MED15: variants seen among roughly 807,000 people sequenced by gnomAD.
MED15 encodes mediator complex subunit 15.
MED15 carries 41 observed loss-of-function variants against 118.7 expected under a neutral mutation model. The observed-to-expected ratio is 0.35, with a 90% CI of 0.27 to 0.45. The LOEUF (loss-of-function observed/expected upper bound fraction) is 0.45. Ranked by LOEUF, MED15 falls within the 20% of genes least tolerant of loss-of-function variation. MED15 has a pLI of 1.00. For missense variants in MED15, 740 were observed against 1,025.5 expected (o/e 0.72, Z 3.80); for synonymous variants, 436 against 413.9 (o/e 1.05, Z -0.65).
chr22:20,575,611 G>C (rs2146642057), intron 9 of MED15, among the ~76,000 whole-genome samples: 1 of 152,090 alleles, frequency 6.6e-6, no homozygotes, highest in East Asian at 1.9e-4. Flanking sequence ...GGGGCTTATG[G>C]CTATAATCTC....
chr22:20,555,262 GGTTTTTTT>G, intron 5 of MED15, 114 bp downstream of exon 5: 1 of 1,165,420 alleles, frequency 8.6e-7, no homozygotes, highest in Non-Finnish European at 1.2e-6. Flanking sequence ...AAATCGCTCT[GGTTTTTTT>G]GTTTTTTAAA....
chr22:20,553,745 G>A (rs1205360274), intron 4 of MED15, among the ~76,000 whole-genome samples: 4 of 152,112 alleles, frequency 2.6e-5, no homozygotes, highest in African/African-American at 4.8e-5. Context: ...GGTGGCATGC[G>A]TTGTAGTCCC....
chr22:20,546,011 C>T (rs1009295853), intron 2 of MED15, among the ~76,000 whole-genome samples: 1 of 152,202 alleles, frequency 6.6e-6, no homozygotes, highest in Non-Finnish European at 1.5e-5. Context: ...CCACACTGGC[C>T]TGTGCTAGGG....
At chr22:20,515,394 G>A (rs1358617556) in intron 1 of MED15, among the ~76,000 whole-genome samples, 1 of 152,130 alleles carries the variant, frequency 6.6e-6, no homozygotes, top group East Asian at 1.9e-4. Flanking sequence ...GCTTCCCTGG[G>A]CCATGTAGGA....
At position 20,568,589 on chromosome 22, in the gene MED15, A is replaced by G; in HGVS notation, c.1110A>G (p.Val370=). 1 of 1,613,842 alleles carries G rather than the reference A, an allele frequency of 6.2e-7. No individual in the cohort carries two copies. The highest frequency in any genetic ancestry group is 8.5e-7 in the Non-Finnish European group (1 of 1,180,018). The change falls in exon 8 of 18, where the codon GTA becomes GTG. Residue 370 remains valine (V), a synonymous_variant. Coordinates refer to ENST00000263205, the MANE Select transcript of MED15 (RefSeq NM_001003891.3). ...AGGTGCAGCAGCAGCAGACAGCAGTACAGACAGCTCAGGCTGCCCAGATGG... is the reference window on the plus strand; with the variant it reads ...AGGTGCAGCAGCAGCAGACAGCAGTGCAGACAGCTCAGGCTGCCCAGATGG... ...QPQVQQQQTA[V]QTAQAAQMVA...
intron 5 of MED15, among the ~76,000 whole-genome samples, chr22:20,561,986 CTCAA>C (rs143439205): frequency 8.4e-4 from 128 of 152,184 alleles, no homozygotes; most frequent in African/African-American, 2.3e-3. Flanking sequence ...GAGACCCAAT[CTCAA>C]TCAATCAGTC....
intron 1 of MED15, among the ~76,000 whole-genome samples, chr22:20,527,788 T>C (rs1285389030): frequency 6.6e-6 from 1 of 151,734 alleles, no homozygotes; most frequent in Non-Finnish European, 1.5e-5. Context: ...TGAAACCCCA[T>C]CTCTACTAAA....
At chr22:20,583,269 G>A (rs750273908) in intron 12 of MED15, 22 bp downstream of exon 12, 4 of 1,612,666 alleles carry the variant, frequency 2.5e-6, no homozygotes, top group East Asian at 4.5e-5. Flanking sequence ...CCAGGGCAGG[G>A]GCCTGCACCC....
chr22:20,557,547 G>T (rs973302097), intron 5 of MED15, among the ~76,000 whole-genome samples: 3 of 151,986 alleles, frequency 2.0e-5, no homozygotes, highest in African/African-American at 4.8e-5. Flanking sequence ...TCCTTGTCAC[G>T]TTCTACTCTT....
chr22:20,565,807 T>G (rs1569228661), intron 6 of MED15, among the ~76,000 whole-genome samples: 2 of 152,346 alleles, frequency 1.3e-5, no homozygotes, highest in East Asian at 3.9e-4. Flanking sequence ...TATCCTAGCT[T>G]CCATGGAGCT....
At chr22:20,568,155 T>C (rs528520212) in intron 7 of MED15, among the ~76,000 whole-genome samples, 1 of 152,324 alleles carries the variant, frequency 6.6e-6, no homozygotes, top group East Asian at 1.9e-4. Flanking sequence ...GCTGGCCGGC[T>C]AACCCAGCTT....
At chr22:20,539,313 G>A (rs1228095543) in intron 2 of MED15, among the ~76,000 whole-genome samples, 5 of 152,072 alleles carry the variant, frequency 3.3e-5, no homozygotes, top group Non-Finnish European at 1.5e-5. Flanking sequence ...CTGGGGCTAT[G>A]TTGGCCAGGC....
chr22:20,513,467 C>T (rs1282119976), intron 1 of MED15, among the ~76,000 whole-genome samples: 5 of 151,968 alleles, frequency 3.3e-5, no homozygotes, highest in African/African-American at 1.2e-4. Context: ...TTAGTAGAGA[C>T]GGGGTTTCAC....
chr22:20,529,221 C>T (rs2054766320), intron 1 of MED15, among the ~76,000 whole-genome samples: 1 of 152,132 alleles, frequency 6.6e-6, no homozygotes, highest in African/African-American at 2.4e-5. Flanking sequence ...CTTTGTTCCT[C>T]ATTTCAACTT....
rs561536065 is a variant in MED15, at chr22:20,552,661, C to G, written c.209-484C>G. On this transcript the variant is annotated intron_variant, in intron 3 of 17. Coordinates refer to ENST00000263205, the MANE Select transcript of MED15 (RefSeq NM_001003891.3). ...GTTCTCCGCTGGGCACTGGGGTCAG[C>G]TGGACTGGCTTCCAGCTGGCCGTGG... The G allele has an allele frequency of 3.7e-5, 12 of 325,034 alleles. No individual in the cohort carries two copies. In the East Asian group the frequency reaches 4.1e-4, roughly 11 times the overall value. 20.1% of individuals were successfully genotyped at this position (325,034 alleles called of 1,614,324 possible).
At position 20,587,579 on chromosome 22, in the gene MED15, C is replaced by A; in HGVS notation, c.*875C>A. 1 of 438,180 alleles carries A rather than the reference C, an allele frequency of 2.3e-6. No individual in the cohort carries two copies. The highest frequency in any genetic ancestry group is 4.9e-5 in the East Asian group (1 of 20,566). The allele number at this position is 438,180 out of a possible 1,614,324, so 27.1% of individuals were successfully genotyped here. A position where few individuals can be genotyped will look rare whatever the true frequency, so the allele number is the denominator to read the frequency against. ...GGTCCCCCCTTTTTATGTGCACTAC[C>A]CCACCATCTGTGATTATAATAAATT... On this transcript the variant is annotated 3_prime_UTR_variant, in exon 18 of 18. Coordinates refer to ENST00000263205, the MANE Select transcript of MED15 (RefSeq NM_001003891.3).
intron 6 of MED15, among the ~76,000 whole-genome samples, chr22:20,565,577 G>A (rs544294649): frequency 1.1e-4 from 16 of 152,120 alleles, no homozygotes; most frequent in Non-Finnish European, 1.8e-4. Flanking sequence ...AGCCCCAAAG[G>A]GCCCCACCAC....
chr22:20,567,578 C>T lies in MED15; in HGVS notation c.1041+761C>T, dbSNP rs566152105. Among the ~76,000 whole-genome samples the T allele has an allele frequency of 3.3e-5, 5 of 152,308 alleles. No homozygotes were observed. In the East Asian group the frequency reaches 9.6e-4, roughly 29 times the overall value. Reference sequence around the variant, plus strand: ...AGCAGATATGCTCACTCATCTGTCACCTGGGAGTCGACACACTGCCTGACC... The same window carrying T: ...AGCAGATATGCTCACTCATCTGTCATCTGGGAGTCGACACACTGCCTGACC... On this transcript the variant is annotated intron_variant, in intron 7 of 17. Coordinates refer to ENST00000263205, the MANE Select transcript of MED15 (RefSeq NM_001003891.3).
At chr22:20,576,929 G>T (rs147394763) in intron 9 of MED15, among the ~76,000 whole-genome samples, 109 of 152,306 alleles carry the variant, frequency 7.2e-4, no homozygotes, top group Middle Eastern at 3.4e-3. Context: ...AGGTTGGGTT[G>T]CTGTATGTGG....
Sources: allele counts gnomAD v4.1 joint callset (sites outside exome capture counted in the v4.1 genomes callset), GRCh38; gene constraint gnomAD v4.1.1; transcripts MANE v1.5; gene names NCBI Gene and HGNC (gene_info 2026-07-23, HGNC 2026-07-21).